SAFB: variants seen among roughly 807,000 people sequenced by gnomAD.
SAFB encodes the protein scaffold attachment factor B, also known as scaffold attachment factor B1.
In SAFB, 15 loss-of-function variants were observed where a neutral mutation model predicts 101.6. That is an observed-to-expected ratio of 0.15 (90% confidence interval 0.10 to 0.23). The LOEUF (loss-of-function observed/expected upper bound fraction) is 0.23. Ranked by LOEUF, SAFB falls within the 10% of genes least tolerant of loss-of-function variation. The pLI is 1.00. For synonymous variants in SAFB, 449 were observed against 407.5 expected, an observed-to-expected ratio of 1.10 and a Z score of -1.23; for missense variants, 930 against 1,104.1, an observed-to-expected ratio of 0.84 and a Z score of 2.23.
Position 5,650,065 on chromosome 19 carries a change from C to G in SAFB, c.1198+90C>G, listed in dbSNP as rs961688120. The G allele has an allele frequency of 8.9e-6, 9 of 1,010,106 alleles. No homozygotes were observed. The African/African-American group carries it at 1.4e-4, about 16-fold the overall frequency. 62.6% of individuals were successfully genotyped at this position (1,010,106 alleles called of 1,614,324 possible). A position where few individuals can be genotyped will look rare whatever the true frequency, so the allele number is the denominator to read the frequency against. On this transcript the variant is annotated intron_variant, in intron 8 of 20. Transcript: ENST00000588852. ...ATTCTGGTTCATCGCGTGCTATGCT[C>G]CTTACCCAGGAGACTCCTGAGACGT...
chr19:5,623,124 A>G lies in SAFB; in HGVS notation c.-82A>G. The G allele has an allele frequency of 7.2e-7, 1 of 1,385,782 alleles. No individual in the cohort carries two copies. The highest frequency in any genetic ancestry group is 9.9e-7 in the Non-Finnish European group (1 of 1,011,602). 85.8% of individuals were successfully genotyped at this position (1,385,782 alleles called of 1,614,324 possible). A position where few individuals can be genotyped will look rare whatever the true frequency, so the allele number is the denominator to read the frequency against. On this transcript the variant is annotated 5_prime_UTR_variant, in exon 1 of 21. Transcript: ENST00000588852. ...GGGGCGACTGGAGCGGTTCCCTCGC[A>G]GGCGGCGCCATTTTGTGCTAGGAGC...
At chr19:5,640,900 G>A (rs2053695463) in intron 2 of SAFB, among the ~76,000 whole-genome samples, 1 of 150,814 alleles carries the variant, frequency 6.6e-6, no homozygotes, top group Admixed American at 6.6e-5. Flanking sequence ...CCCCTCTGGA[G>A]TATCTTGATA....
chr19:5,667,774 C>G lies in SAFB; in HGVS notation c.2558-46C>G. ...TGGGCTAAATGTGCCGTGGGTTCCA[C>G]GCCGTGTGCGCAAGTTCCCTGTGTG... On this transcript the variant is annotated intron_variant, in intron 19 of 20. Coordinates refer to ENST00000588852, the MANE Select transcript of SAFB (RefSeq NM_001201338.2). This position sits in a 1 kb window ranked among gnomAD's most constrained non-coding sequence, Gnocchi z 4.0. 6.3e-7 allele frequency: 1 copy of G among 1,599,578 alleles called. No homozygotes were observed. Among genetic ancestry groups the G allele is most frequent in the South Asian group, 1.1e-5 (1 of 90,582 alleles).
chr19:5,662,121 G>A (rs190651831), intron 15 of SAFB, among the ~76,000 whole-genome samples: 71 of 152,126 alleles, frequency 4.7e-4, no homozygotes, highest in African/African-American at 1.6e-3. Flanking sequence ...TCCTGACCTC[G>A]TGATCCACCT....
chr19:5,661,436 G>A (rs2054200200), intron 14 of SAFB, 82 bp from the exon 15 acceptor site: 2 of 1,569,446 alleles, frequency 1.3e-6, no homozygotes, highest in East Asian at 4.5e-5. Context: ...GAGTCTGTGC[G>A]ACCCAGCGTC....
At chr19:5,640,494 T>G (rs2053684744) in intron 2 of SAFB, among the ~76,000 whole-genome samples, 1 of 151,346 alleles carries the variant, frequency 6.6e-6, no homozygotes, top group Non-Finnish European at 1.5e-5. Flanking sequence ...GCCTCCCGAG[T>G]GGCTGGGACT....
chr19:5,657,470 G>C (rs1440432748), intron 14 of SAFB, 123 bp downstream of exon 14: 5 of 625,216 alleles, frequency 8.0e-6, no homozygotes, highest in Admixed American at 3.0e-5. Context: ...TGCTCCTTCA[G>C]CTTTCAGTTC....
intron 6 of SAFB, chr19:5,648,299 A>C: frequency 2.0e-6 from 1 of 506,740 alleles, no homozygotes; most frequent in Admixed American, 3.8e-5. Context: ...TTTGAATATC[A>C]ACAGCATTGA....
intron 13 of SAFB, among the ~76,000 whole-genome samples, chr19:5,655,035 A>G (rs1201737153): frequency 6.6e-6 from 1 of 152,180 alleles, no homozygotes; most frequent in Non-Finnish European, 1.5e-5. Flanking sequence ...TGAAAGTGTC[A>G]GCACCTCCCC....
intron 13 of SAFB, among the ~76,000 whole-genome samples, chr19:5,656,363 C>T (rs985383935): frequency 7.2e-5 from 11 of 152,054 alleles, no homozygotes; most frequent in Non-Finnish European, 1.3e-4. Context: ...CCTCCACCTC[C>T]CGGGGGTTTT....
At chr19:5,624,564 G>T (rs745376508) in intron 1 of SAFB, among the ~76,000 whole-genome samples, 1 of 151,930 alleles carries the variant, frequency 6.6e-6, no homozygotes, top group Non-Finnish European at 1.5e-5. Context: ...TAGTTGCTCC[G>T]CCTGGCCGCC....
chr19:5,626,481 C>G lies in SAFB; in HGVS notation c.266C>G (p.Ser89Cys), dbSNP rs753487691. ...SEGNKKTSKRSSKGRKPEEEG... is the reference protein window; with the variant it reads ...SEGNKKTSKRCSKGRKPEEEG... ...GGAAACAAGAAAACATCAAAGAGGT[C>G]TAGCAAAGGTATGGAGGATTTCATA... Residue 89 changes from serine (S) to cysteine (C), a missense_variant, in exon 2 of 21, where the codon TCT (serine) becomes TGT (cysteine). Coordinates refer to ENST00000588852, the MANE Select transcript of SAFB (RefSeq NM_001201338.2). The G allele has an allele frequency of 3.1e-6, 5 of 1,592,992 alleles. No homozygotes were observed. Among genetic ancestry groups the G allele is most frequent in the Non-Finnish European group, 2.6e-6 (3 of 1,160,984 alleles).
intron 2 of SAFB, among the ~76,000 whole-genome samples, chr19:5,632,966 T>C (rs2053521604): frequency 6.6e-6 from 1 of 152,232 alleles, no homozygotes; most frequent in African/African-American, 2.4e-5. Flanking sequence ...TTATTGGCCA[T>C]GTTAGCTGAC....
At position 5,667,864 on chromosome 19, in the gene SAFB, A is replaced by G. The variant is rs747523425; in HGVS notation, c.2602A>G (p.Met868Val). The change falls in exon 20 of 21, where the codon ATG becomes GTG. Residue 868 changes from methionine to valine, a missense_variant. Coordinates refer to ENST00000588852, the MANE Select transcript of SAFB (RefSeq NM_001201338.2). This position sits in a 1 kb window ranked among gnomAD's most constrained non-coding sequence, Gnocchi z 4.0. ...MSGHSGPGHM[M>V]NRGGMSGRGS... ...CGGTCACTCCGGGCCTGGCCACATG[A>G]TGAACCGAGGAGGAATGTCAGGGTA... 9 of 1,610,534 alleles carry G rather than the reference A, an allele frequency of 5.6e-6. No individual in the cohort carries two copies. The South Asian group carries it at 9.9e-5, about 18-fold the overall frequency.
chr19:5,639,666 C>T (rs2053663932), intron 2 of SAFB, among the ~76,000 whole-genome samples: 1 of 148,158 alleles, frequency 6.7e-6, no homozygotes, highest in African/African-American at 2.5e-5. Flanking sequence ...GCACTCCAGC[C>T]TGGGTGACAG....
intron 13 of SAFB, among the ~76,000 whole-genome samples, chr19:5,655,299 A>T (rs1021465633): frequency 2.2e-4 from 34 of 151,912 alleles, no homozygotes; most frequent in African/African-American, 8.2e-4. Context: ...CTTCACAAGA[A>T]ATTTAAAAAT....
chr19:5,626,481 C>A lies in SAFB; in HGVS notation c.266C>A (p.Ser89Tyr). 1 of 1,592,990 alleles carries A rather than the reference C, an allele frequency of 6.3e-7. No homozygotes were observed. The highest frequency in any genetic ancestry group is 8.6e-7 in the Non-Finnish European group (1 of 1,160,982). Residue 89 changes from serine to tyrosine, a missense_variant, in exon 2 of 21, where the codon TCT becomes TAT. By Grantham distance (144) the Ser-to-Tyr change is moderately radical. This residue lies in a region of SAFB where 119 missense variants were observed against 171.4 expected (regional missense o/e 0.69). Coordinates refer to ENST00000588852, the MANE Select transcript of SAFB (RefSeq NM_001201338.2). ...GGAAACAAGAAAACATCAAAGAGGT[C>A]TAGCAAAGGTATGGAGGATTTCATA... Reference protein sequence around the residue: ...SEGNKKTSKRSSKGRKPEEEG... With the variant: ...SEGNKKTSKRYSKGRKPEEEG...
Position 5,623,386 on chromosome 19 carries a change from C to G in SAFB, c.181C>G (p.Leu61Val). 1 of 1,613,460 alleles carries G rather than the reference C, an allele frequency of 6.2e-7. No individual in the cohort carries two copies. The highest frequency in any genetic ancestry group is 8.5e-7 in the Non-Finnish European group (1 of 1,179,464). ...SGNKSVLMER[L>V]KKAIEDEGGN... ...CAACAAGAGCGTTTTGATGGAGCGG[C>G]TGAAGAAGGTGGATTTGGGGCCCCG... The change falls in exon 1 of 21, where the codon CTG (leucine) becomes GTG (valine). Residue 61 changes from leucine (L) to valine (V), a missense_variant. By Grantham distance (32) the Leu-to-Val change is conservative (BLOSUM62 1). This residue lies in a region of SAFB where 119 missense variants were observed against 171.4 expected (regional missense o/e 0.69). Transcript: ENST00000588852.
chr19:5,664,005 C>T lies in SAFB; in HGVS notation c.2154-17C>T, dbSNP rs757783236. On this transcript the variant is annotated splice_polypyrimidine_tract_variant and intron_variant, in intron 15 of 20. Coordinates refer to ENST00000588852, the MANE Select transcript of SAFB (RefSeq NM_001201338.2). ...GGGTGGGGGATCCCTCTATCTCTGT[C>T]TCATGTCCCCTCACAGGCGAGATGA... is the stretch of plus-strand genomic sequence containing the variant. 6 of 1,612,424 alleles carry T rather than the reference C, an allele frequency of 3.7e-6. No homozygotes were observed. Among genetic ancestry groups the T allele is most frequent in the Non-Finnish European group, 4.2e-6 (5 of 1,179,254 alleles).
Sources: allele counts gnomAD v4.1 joint callset (sites outside exome capture counted in the v4.1 genomes callset), GRCh38; gene constraint gnomAD v4.1.1; regional missense constraint gnomAD v4.1.1; non-coding constraint Gnocchi (gnomAD v3.1); transcripts MANE v1.5; gene names NCBI Gene and HGNC (gene_info 2026-07-23, HGNC 2026-07-21).